Variants in PIF1 observed in about 807,000 individuals in gnomAD.
PIF1 encodes PIF1 5'-to-3' DNA helicase.
PIF1 carries 67 observed loss-of-function variants against 62.3 expected under a neutral mutation model. The observed-to-expected ratio is 1.08, with a 90% CI of 0.88 to 1.32. The LOEUF (loss-of-function observed/expected upper bound fraction) is 1.32, where lower values mean the gene tolerates loss of function less well. PIF1 is among the 40% of genes most tolerant of loss of function. The pLI is 0.00. For synonymous variants in PIF1, 364 were observed against 379.5 expected, an observed-to-expected ratio of 0.96 and a Z score of 0.47; for missense variants, 886 against 866.1, an observed-to-expected ratio of 1.02 and a Z score of -0.29.
chr15:64,824,998 TACAC>T (rs534129428), intron 1 of PIF1, among the ~76,000 whole-genome samples: 7 of 146,612 alleles, frequency 4.8e-5, no homozygotes, highest in African/African-American at 1.5e-4. Context: ...TCTATATATA[TACAC>T]ACACACACAC....
At chr15:64,821,772 CTG>C (rs2084293903) in intron 4 of PIF1, 1 of 434,012 alleles carries the variant, frequency 2.3e-6, no homozygotes, top group Non-Finnish European at 4.1e-6. Flanking sequence ...TGGAGTCTCG[CTG>C]TGTCGCCCAG....
At chr15:64,816,498 C>T in intron 12 of PIF1, 76 bp downstream of exon 12, 11 of 1,595,788 alleles carry the variant, frequency 6.9e-6, no homozygotes, top group Non-Finnish European at 8.6e-6. Flanking sequence ...CCAGGTCCCA[C>T]TGGGCCGGCG....
rs781567822 is a variant in PIF1, at chr15:64,819,909, C to T, written c.1271G>A (p.Arg424Lys). The change falls in exon 8 of 13, where the codon AGG becomes AAG. Residue 424 changes from arginine (R) to lysine (K), a missense_variant. Transcript: ENST00000559239. ...CACATCATCCTGGTGGGTGCAGAGC[C>T]TCGTGGCCACAATCCCATCTCGCCC... is the stretch of plus-strand genomic sequence containing the variant. ...KVGRDGIVAT[R>K]LCTHQDDVAL... The T allele has an allele frequency of 1.9e-6, 3 of 1,614,168 alleles. No homozygotes were observed. Among genetic ancestry groups the T allele is most frequent in the South Asian group, 2.2e-5 (2 of 91,088 alleles).
At chr15:64,826,594 G>A (rs2084369679), upstream of PIF1, among the ~76,000 whole-genome samples, 1 of 128,912 alleles carries the variant, frequency 7.8e-6, no homozygotes, top group Non-Finnish European at 1.6e-5. Flanking sequence ...CCCCCAGGTA[G>A]CTGGAACTAC....
In PIF1 at chr15:64,821,467, G is replaced by T; in HGVS notation, c.871C>A (p.Pro291Thr). 1 of 1,614,072 alleles carries T rather than the reference G, an allele frequency of 6.2e-7. No homozygotes were observed. Among genetic ancestry groups the T allele is most frequent in the Non-Finnish European group, 8.5e-7 (1 of 1,180,028 alleles). The change falls in exon 5 of 13, where the codon CCA becomes ACA. Residue 291 changes from proline to threonine, a missense_variant. Physicochemically the swap from Pro to Thr is conservative, Grantham distance 38. Coordinates refer to ENST00000559239, the MANE Select transcript of PIF1 (RefSeq NM_001286496.2). ...TTCAGCCAGCCCTGCCGCACGCCTG[G>T]CCTTTGGGCCAGGGCCACACACTGG... ...LAQCVALAQRPGVRQGWLNCQ... is the reference protein window; with the variant it reads ...LAQCVALAQRTGVRQGWLNCQ...
chr15:64,821,703 C>G, intron 4 of PIF1, 183 bp from the exon 5 acceptor site: 2 of 614,984 alleles, frequency 3.3e-6, no homozygotes. Context: ...TCCATAGTAG[C>G]TGGGACTACA....
Position 64,818,001 on chromosome 15 carries a change from C to A in PIF1, c.1619G>T (p.Ser540Ile). 1 of 1,613,508 alleles carries A rather than the reference C, an allele frequency of 6.2e-7. No individual in the cohort carries two copies. The highest frequency in any genetic ancestry group is 8.5e-7 in the Non-Finnish European group (1 of 1,179,816). Residue 540 changes from serine (S) to isoleucine (I), a missense_variant, in exon 11 of 13, where the codon AGT becomes ATT. Ser to Ile is a moderately radical substitution (Grantham distance 142). Coordinates refer to ENST00000559239, the MANE Select transcript of PIF1 (RefSeq NM_001286496.2). The stretch of plus-strand genomic sequence containing the variant: ...CAGCTGGAGGGGCAGCTGCTGCCGA[C>A]TGAGGAGCTGGCCCCCGGTGGCCTG... ...TVQATGGQLL[S>I]RQQLPLQLAW... is the part of the protein sequence containing the mutation.
Position 64,821,501 on chromosome 15 carries a change from A to T in PIF1, c.837T>A (p.Ala279=). The part of the protein sequence containing the change: ...HAFAGIGSGQ[A]PLAQCVALAQ... ...CCAGGGCCACACACTGGGCTAGAGG[A>T]GCCTGGCCTGAGCCGATGCCTGTGA... Residue 279 remains alanine (A), a synonymous_variant, in exon 5 of 13, where the codon GCT becomes GCA. Coordinates refer to ENST00000559239, the MANE Select transcript of PIF1 (RefSeq NM_001286496.2). The T allele has an allele frequency of 6.2e-7, 1 of 1,609,158 alleles. No individual in the cohort carries two copies. The highest frequency in any genetic ancestry group is 1.1e-5 in the South Asian group (1 of 90,738).
In PIF1 at chr15:64,824,412, T is replaced by C. The variant is rs1010386143; in HGVS notation, c.-19-58A>G. 4 of 1,156,644 alleles carry C rather than the reference T, an allele frequency of 3.5e-6. No homozygotes were observed. The African/African-American group carries it at 4.8e-5, about 14-fold the overall frequency. The allele number at this position is 1,156,644 out of a possible 1,614,324, so 71.6% of individuals were successfully genotyped here. A position where few individuals can be genotyped will look rare whatever the true frequency, so the allele number is the denominator to read the frequency against. ...GATTCATGAGACGTAATGGGTGCTA[T>C]AGGGGACGTAATGGGTGCTATAAAG... is the stretch of plus-strand genomic sequence containing the variant. On this transcript the variant is annotated intron_variant, in intron 1 of 12. Coordinates refer to ENST00000559239, the MANE Select transcript of PIF1 (RefSeq NM_001286496.2).
At chr15:64,820,880 G>C in intron 7 of PIF1, 102 bp downstream of exon 7, 3 of 1,050,016 alleles carry the variant, frequency 2.9e-6, no homozygotes, top group Admixed American at 2.0e-5. Context: ...TTGCTCCTGA[G>C]GGTAACAATT....
Position 64,815,891 on chromosome 15 carries a change from C to T in PIF1, c.*407G>A. The T allele has an allele frequency of 1.9e-6, 3 of 1,550,672 alleles. No individual in the cohort carries two copies. Among genetic ancestry groups the T allele is most frequent in the Non-Finnish European group, 2.6e-6 (3 of 1,147,012 alleles). On this transcript the variant is annotated 3_prime_UTR_variant, in exon 13 of 13. Transcript: ENST00000559239. ...AGCCTGAGTCCCCACCAGTCCCCTC[C>T]AAGAGCCCTGATGCTGCTTCCGGAG... is the stretch of plus-strand genomic sequence containing the variant.
intron 11 of PIF1, among the ~76,000 whole-genome samples, chr15:64,817,007 GGCGTGGA>G (rs1050021446): frequency 6.6e-6 from 1 of 152,232 alleles, no homozygotes; most frequent in African/African-American, 2.4e-5. Flanking sequence ...GGGTCAGACA[GGCGTGGA>G]GCTGAATCCA....
Position 64,821,083 on chromosome 15 carries a change from C to T in PIF1, c.1092G>A (p.Lys364=). The T allele has an allele frequency of 5.0e-6, 8 of 1,607,898 alleles. No individual in the cohort carries two copies. The highest frequency in any genetic ancestry group is 6.0e-6 in the Non-Finnish European group (7 of 1,174,480). ...TCACTGGCACACACCTCTTCCAGCTCTTGGACTGGTGGGGGCAGGGTGGGG... is the reference window on the plus strand; with the variant it reads ...TCACTGGCACACACCTCTTCCAGCTTTTGGACTGGTGGGGGCAGGGTGGGG... ...SQPPRFCFQS[K]SWKRCVPVTL... Residue 364 remains lysine, a synonymous_variant, in exon 7 of 13, where the codon AAG becomes AAA. Transcript: ENST00000559239.
chr15:64,816,843 C>T lies in PIF1; in HGVS notation c.1675-78G>A. ...CCGAAAGGCCTGACCCTTTACCAGC[C>T]CTGCTACTGCCCCTGGATCTCCTCG... On this transcript the variant is annotated intron_variant, in intron 11 of 12. Coordinates refer to ENST00000559239, the MANE Select transcript of PIF1 (RefSeq NM_001286496.2). The T allele has an allele frequency of 3.1e-6, 4 of 1,305,916 alleles. No individual in the cohort carries two copies. The South Asian group carries it at 6.1e-5, about 20-fold the overall frequency. 80.9% of individuals were successfully genotyped at this position (1,305,916 alleles called of 1,614,324 possible).
chr15:64,822,793 T>G (rs2084309988), intron 2 of PIF1, among the ~76,000 whole-genome samples, 183 bp from the exon 3 acceptor site: 1 of 152,090 alleles, frequency 6.6e-6, no homozygotes, highest in Admixed American at 6.5e-5. Context: ...TCTCTCCTTG[T>G]GCCCTGAAGA....
chr15:64,815,977 AG>A lies in PIF1; in HGVS notation c.*320del. 1 of 1,534,506 alleles carries A rather than the reference AG, an allele frequency of 6.5e-7. No individual in the cohort carries two copies. Among genetic ancestry groups the A allele is most frequent in the East Asian group, 2.5e-5 (1 of 40,708 alleles). On this transcript the variant is annotated 3_prime_UTR_variant, in exon 13 of 13. Coordinates refer to ENST00000559239, the MANE Select transcript of PIF1 (RefSeq NM_001286496.2). ...AAAGGAGGGATGTTCAGGACTCTGC[AG>A]CTCTGTGTCCAGCCCTTGCAGAGAG...
Position 64,821,383 on chromosome 15 carries a change from G to A in PIF1, c.955C>T (p.Leu319=). ...CATACTGACCTGGCCACGGCCTCCA[G>A]TTTGTCAAACAGGTCTGCCTCCACC... ...SMVEADLFDK[L]EAVARAVRQQ... Residue 319 remains leucine (L), a synonymous_variant, in exon 5 of 13, where the codon CTG becomes TTG. Transcript: ENST00000559239. The A allele has an allele frequency of 6.2e-7, 1 of 1,614,092 alleles. No individual in the cohort carries two copies. Among genetic ancestry groups the A allele is most frequent in the Non-Finnish European group, 8.5e-7 (1 of 1,179,968 alleles).
rs761741999 is a variant in PIF1 at position 64,821,502 on chromosome 15, G to C, written c.836C>G (p.Ala279Gly). Residue 279 changes from alanine to glycine, a missense_variant, in exon 5 of 13, where the codon GCT becomes GGT. Physicochemically the swap from Ala to Gly is moderately conservative, Grantham distance 60. Transcript: ENST00000559239. ...CAGGGCCACACACTGGGCTAGAGGAGCCTGGCCTGAGCCGATGCCTGTGAG... is the reference window on the plus strand; with the variant it reads ...CAGGGCCACACACTGGGCTAGAGGACCCTGGCCTGAGCCGATGCCTGTGAG... ...HAFAGIGSGQAPLAQCVALAQ... is the reference protein window; with the variant it reads ...HAFAGIGSGQGPLAQCVALAQ... 3.1e-6 allele frequency: 5 copies of C among 1,611,172 alleles called. No homozygotes were observed. The Admixed American group carries it at 8.4e-5, about 27-fold the overall frequency.
chr15:64,826,070 G>T (rs554367046), upstream of PIF1, among the ~76,000 whole-genome samples: 3 of 152,216 alleles, frequency 2.0e-5, no homozygotes, highest in Admixed American at 2.0e-4. Flanking sequence ...CAGTACCATT[G>T]TCCAGTTCTG....
Sources: gnomAD v4.1 joint callset for allele counts (sites outside exome capture counted in the v4.1 genomes callset) on GRCh38, gnomAD v4.1.1 for gene constraint, MANE v1.5 for transcripts, NCBI Gene and HGNC (gene_info 2026-07-23, HGNC 2026-07-21) for gene names.